The following HVCN1 variants were observed in gnomAD, a reference collection of about 807,000 sequenced individuals.
HVCN1 encodes the protein hydrogen voltage gated channel 1.
In HVCN1, 14 loss-of-function variants were observed where a neutral mutation model predicts 29.2. The ratio of observed to expected loss-of-function variants is 0.48; its 90% CI spans 0.32 to 0.75. The LOEUF (loss-of-function observed/expected upper bound fraction) is 0.75. Ranked by LOEUF, HVCN1 falls within the 30% of genes least tolerant of loss-of-function variation. HVCN1 has a pLI of 0.04. For missense variants in HVCN1, 263 were observed against 341.8 expected (o/e 0.77, Z 1.82); for synonymous variants, 131 against 133.2 (o/e 0.98, Z 0.11).
At chr12:110,687,436 C>T (rs1056179136) in intron 2 of HVCN1, among the ~76,000 whole-genome samples, 8 of 152,154 alleles carry the variant, frequency 5.3e-5, no homozygotes, top group Non-Finnish European at 1.5e-5. Context: ...AGGAAGAACA[C>T]GTGTGCTGTG....
intron 5 of HVCN1, 37 bp downstream of exon 5, chr12:110,655,197 A>T (rs978930931): frequency 6.6e-7 from 1 of 1,508,784 alleles, no homozygotes; most frequent in African/African-American, 1.4e-5. Context: ...CAAGCAAAAC[A>T]TATCAGTAAG....
chr12:110,683,024 A>C, intron 3 of HVCN1: 1 of 651,258 alleles, frequency 1.5e-6, no homozygotes, highest in Non-Finnish European at 2.7e-6. Flanking sequence ...TGGGATTCAA[A>C]TGGTCTGATG....
chr12:110,701,183 G>A (rs1054865846), intron 2 of HVCN1, among the ~76,000 whole-genome samples: 9 of 152,202 alleles, frequency 5.9e-5, no homozygotes, highest in African/African-American at 1.2e-4. Flanking sequence ...TCTGCGCTAC[G>A]GCCAGTTTGT....
chr12:110,692,593 G>A (rs56166205), upstream of HVCN1, among the ~76,000 whole-genome samples: 13,408 of 151,936 alleles, frequency 0.088, 656 homozygotes, highest in Middle Eastern at 0.11. Flanking sequence ...GCATGGTGGT[G>A]TGCCCCTGTA....
intron 3 of HVCN1, among the ~76,000 whole-genome samples, chr12:110,672,971 T>C (rs1252169264): frequency 3.9e-5 from 6 of 152,144 alleles, no homozygotes; most frequent in Non-Finnish European, 8.8e-5. Flanking sequence ...TACAGTAAAT[T>C]GGTACCAGTA....
chr12:110,701,239 G>T lies in HVCN1; in HGVS notation c.-104+1070C>A, dbSNP rs188273777. Among the ~76,000 whole-genome samples, 381 of 152,282 alleles carry T rather than the reference G, an allele frequency of 2.5e-3. 4 individuals carry two copies. The highest frequency in any genetic ancestry group is 8.6e-3 in the African/African-American group (356 of 41,558). On this transcript the variant is annotated intron_variant, in intron 2 of 4. Coordinates refer to the HVCN1 transcript ENST00000546713. ...GAGCGCTGACTAATGGAGGTAGAGC[G>T]CTCCAGCCTGTTTTTATCACCATCT...
intron 3 of HVCN1, among the ~76,000 whole-genome samples, chr12:110,668,633 C>T (rs1191143927): frequency 6.6e-6 from 1 of 152,194 alleles, no homozygotes; most frequent in Non-Finnish European, 1.5e-5. Context: ...CTGATACAGC[C>T]GCTTTGTGGC....
At chr12:110,677,503 C>A (rs545990931) in intron 3 of HVCN1, among the ~76,000 whole-genome samples, 10 of 152,302 alleles carry the variant, frequency 6.6e-5, no homozygotes, top group African/African-American at 2.4e-4. Context: ...CTGTTCACAG[C>A]ATGACCTCTG....
At chr12:110,681,910 G>A (rs148541967) in intron 3 of HVCN1, among the ~76,000 whole-genome samples, 156 of 152,122 alleles carry the variant, frequency 1.0e-3, no homozygotes, top group Non-Finnish European at 1.6e-3. Context: ...CAAAGACACA[G>A]TCTATTTCCT....
At chr12:110,698,256 T>A (rs1286714211) in intron 2 of HVCN1, among the ~76,000 whole-genome samples, 1 of 152,232 alleles carries the variant, frequency 6.6e-6, no homozygotes, top group African/African-American at 2.4e-5. Context: ...CGTCTTGGCC[T>A]CCTAAAGTGT....
intron 2 of HVCN1, among the ~76,000 whole-genome samples, chr12:110,699,235 A>G (rs1489399628): frequency 6.6e-6 from 1 of 152,162 alleles, no homozygotes; most frequent in Non-Finnish European, 1.5e-5. Context: ...AGCCCAGGGC[A>G]CATTTCGTGT....
chr12:110,678,445 T>C (rs1260127086), intron 3 of HVCN1, among the ~76,000 whole-genome samples: 38 of 104,524 alleles, frequency 3.6e-4, no homozygotes, highest in African/African-American at 1.5e-3. Flanking sequence ...ATTTCTTTTT[T>C]TTTTTTTTTT....
intron 3 of HVCN1, among the ~76,000 whole-genome samples, chr12:110,663,325 A>G (rs902600219): frequency 2.0e-5 from 3 of 152,168 alleles, no homozygotes; most frequent in African/African-American, 7.2e-5. Context: ...CTAGTTGGGC[A>G]GGTGTGGCAG....
rs553771189 is a variant in HVCN1 at position 110,667,389 on chromosome 12, C to T, written c.22-5941G>A. On this transcript the variant is annotated intron_variant, in intron 3 of 7. Coordinates refer to ENST00000242607, the MANE Select transcript of HVCN1 (RefSeq NM_032369.4). ...CCTCAGGTGATCCGCCCGCCTCTGC[C>T]TCCCAAAGTGCTGGGATTACACGCG... is the stretch of plus-strand genomic sequence containing the variant. Among the ~76,000 whole-genome samples, 4 of 152,286 alleles carry T rather than the reference C, an allele frequency of 2.6e-5. No individual in the cohort carries two copies. The East Asian group carries it at 7.7e-4, about 29-fold the overall frequency.
At chr12:110,650,325 A>G in intron 6 of HVCN1, 45 bp from the exon 7 acceptor site, 1 of 1,220,258 alleles carries the variant, frequency 8.2e-7, no homozygotes, top group Non-Finnish European at 1.2e-6. Flanking sequence ...TTCTAACTTA[A>G]CCACTCAGGA....
chr12:110,692,131 G>C (rs2069417183), upstream of HVCN1, among the ~76,000 whole-genome samples: 1 of 152,108 alleles, frequency 6.6e-6, no homozygotes, highest in African/African-American at 2.4e-5. Flanking sequence ...AAATTAATGA[G>C]TATTGAGCAT....
chr12:110,653,277 C>CA (rs2067874591), intron 5 of HVCN1, among the ~76,000 whole-genome samples: 1 of 151,272 alleles, frequency 6.6e-6, no homozygotes, highest in Non-Finnish European at 1.5e-5. Context: ...CTGGGCAACA[C>CA]AAGGAAACCC....
chr12:110,672,508 G>A (rs1361630692), intron 3 of HVCN1, among the ~76,000 whole-genome samples: 3 of 152,172 alleles, frequency 2.0e-5, no homozygotes, highest in African/African-American at 7.2e-5. Context: ...TACGATTATG[G>A]GAAAACTGAC....
At chr12:110,685,001 G>A (rs897517175) in intron 2 of HVCN1, among the ~76,000 whole-genome samples, 2 of 151,948 alleles carry the variant, frequency 1.3e-5, no homozygotes, top group African/African-American at 4.8e-5. Flanking sequence ...TTCCCTTCAG[G>A]GTGTGGTAGG....
Sources: allele counts gnomAD v4.1 joint callset (sites outside exome capture counted in the v4.1 genomes callset), GRCh38; gene constraint gnomAD v4.1.1; transcripts MANE v1.5; gene names NCBI Gene and HGNC (gene_info 2026-07-23, HGNC 2026-07-21).